The following MRC1 variants were observed in gnomAD, a reference collection of about 807,000 sequenced individuals.
MRC1 encodes mannose receptor C-type 1.
A neutral mutation model predicts 102.9 loss-of-function variants in MRC1; 62 were observed. That is an observed-to-expected ratio of 0.60 (90% CI 0.49 to 0.74). MRC1 has a LOEUF of 0.74. MRC1 is among the 30% of genes least tolerant of loss of function. The probability of loss-of-function intolerance (pLI) is 0.00; values close to 1 mark genes in which losing one functional copy is unlikely to be tolerated. For missense variants in MRC1, 1,237 were observed against 862.8 expected, an observed-to-expected ratio of 1.43 and a Z score of -5.43; for synonymous variants, 457 against 298.4, an observed-to-expected ratio of 1.53 and a Z score of -5.48.
intron 11 of MRC1, chr10:17,865,520 C>T (rs1723788101): frequency 6.6e-6 from 1 of 152,228 alleles, no homozygotes; most frequent in South Asian, 2.1e-4. Context: ...GGAAGTGGAA[C>T]AGAACTCAGT....
chr10:17,817,158 G>A (rs1224054488), intron 1 of MRC1, among the ~76,000 whole-genome samples: 2 of 150,464 alleles, frequency 1.3e-5, no homozygotes, highest in Middle Eastern at 3.2e-3. Context: ...GCTGAGGCAC[G>A]AGAATCGCTT....
rs1838811178 is a variant in MRC1, at chr10:17,845,398, G to C, written c.1026G>C (p.Lys342Asn). The change falls in exon 6 of 30, where the codon AAG (lysine) becomes AAC (asparagine). Residue 342 changes from lysine to asparagine, a missense_variant. Coordinates refer to ENST00000569591, the MANE Select transcript of MRC1 (RefSeq NM_002438.4). ...CVQKLGYICKKGNTTLNSFVI... is the reference protein window; with the variant it reads ...CVQKLGYICKNGNTTLNSFVI... ...AGAAACTGGGCTATATTTGCAAAAA[G>C]GGCAACACCACTTTAAATTCTTTTG... The C allele has an allele frequency of 2.6e-6, 2 of 780,826 alleles. No homozygotes were observed. The highest frequency in any genetic ancestry group is 4.8e-6 in the Non-Finnish European group (2 of 417,940). 48.4% of individuals were successfully genotyped at this position (780,826 alleles called of 1,614,324 possible).
Position 17,910,404 on chromosome 10 carries a change from G to A in MRC1, c.4310G>A (p.Gly1437Glu), listed in dbSNP as rs2130729539. The part of the protein sequence containing the change: ...TLYFNSQSSP[G>E]TSDMKDLVGN... ...TATTTTAACAGTCAGTCAAGCCCAG[G>A]AACTAGTGATATGAAAGATCTCGTG... Residue 1437 changes from glycine to glutamate, a missense_variant, in exon 30 of 30, where the codon GGA becomes GAA. Transcript: ENST00000569591. The A allele has an allele frequency of 1.3e-5, 10 of 780,702 alleles. 1 individual carries two copies. In the East Asian group the frequency reaches 2.4e-4, roughly 19 times the overall value. 48.4% of individuals were successfully genotyped at this position (780,702 alleles called of 1,614,324 possible).
At chr10:17,907,458 C>T (rs557416428) in intron 27 of MRC1, 76 bp from the exon 28 acceptor site, 40 of 776,740 alleles carry the variant, frequency 5.1e-5, no homozygotes, top group African/African-American at 5.1e-4. Flanking sequence ...TTAGAAATTT[C>T]ACATAAATTG....
At chr10:17,838,720 C>A (rs1355361158) in intron 4 of MRC1, among the ~76,000 whole-genome samples, 1 of 152,092 alleles carries the variant, frequency 6.6e-6, no homozygotes, top group Non-Finnish European at 1.5e-5. Context: ...ACGCCTGTAA[C>A]CCCAGAGCCT....
At chr10:17,857,123 A>G (rs1243703393) in intron 9 of MRC1, among the ~76,000 whole-genome samples, 1 of 152,248 alleles carries the variant, frequency 6.6e-6, no homozygotes, top group African/African-American at 2.4e-5. Flanking sequence ...ATTTGGTACT[A>G]TAAAAATAAA....
In MRC1 at chr10:17,910,402, AG is replaced by A. The variant is rs1589199041; in HGVS notation, c.4310del (p.Gly1437GlufsTer5). 7.7e-6 allele frequency: 6 copies of A among 780,872 alleles called. No homozygotes were observed. The highest frequency in any genetic ancestry group is 4.0e-5 in the South Asian group (3 of 74,616). 48.4% of individuals were successfully genotyped at this position (780,872 alleles called of 1,614,324 possible). ...TGTATTTTAACAGTCAGTCAAGCCC[AG>A]GAACTAGTGATATGAAAGATCTCGT... is the stretch of plus-strand genomic sequence containing the variant. Reference protein sequence around the residue: ...TLYFNSQSSPGTSDMKDLVGN... With the variant: ...TLYFNSQSSPXTSDMKDLVGN... On this transcript the variant is annotated frameshift_variant, in exon 30 of 30. Coordinates refer to ENST00000569591, the MANE Select transcript of MRC1 (RefSeq NM_002438.4). LOFTEE classifies it high-confidence loss of function.
In MRC1 at chr10:17,880,660, A is replaced by G; in HGVS notation, c.2855A>G (p.Tyr952Cys). The G allele has an allele frequency of 1.3e-6, 1 of 780,874 alleles. No individual in the cohort carries two copies. The highest frequency in any genetic ancestry group is 1.7e-5 in the Admixed American group (1 of 59,030). The allele number at this position is 780,874 out of a possible 1,614,324, so 48.4% of individuals were successfully genotyped here. A position where few individuals can be genotyped will look rare whatever the true frequency, so the allele number is the denominator to read the frequency against. The change falls in exon 20 of 30, where the codon TAC becomes TGC. Residue 952 changes from tyrosine to cysteine, a missense_variant. By Grantham distance (194) the Tyr-to-Cys change is radical (BLOSUM62 -2). Coordinates refer to ENST00000569591, the MANE Select transcript of MRC1 (RefSeq NM_002438.4). Reference protein sequence around the residue: ...PSGCKEGWNFYSNKCFKIFGF... With the variant: ...PSGCKEGWNFCSNKCFKIFGF... ...GGGTGCAAGGAAGGTTGGAATTTCT[A>G]CAGCAACAAGGTACTAGGAAAATTA...
rs985386491 is a variant in MRC1 at position 17,900,972 on chromosome 10, A to G, written c.3649+19A>G. 1.3e-6 allele frequency: 1 copy of G among 777,936 alleles called. No homozygotes were observed. Among genetic ancestry groups the G allele is most frequent in the African/African-American group, 1.7e-5 (1 of 59,106 alleles). 48.2% of individuals were successfully genotyped at this position (777,936 alleles called of 1,614,324 possible). ...TCAGATGGTAATTGAATATATAAAA[A>G]CAGTCAGGGGATCTGAAAATTTCTG... On this transcript the variant is annotated intron_variant, in intron 25 of 29. Transcript: ENST00000569591.
chr10:17,828,955 C>A lies in MRC1; in HGVS notation c.637+1240C>A, dbSNP rs947463697. Among the ~76,000 whole-genome samples, 142 of 151,406 alleles carry A rather than the reference C, an allele frequency of 9.4e-4. 1 individual carries two copies. Among genetic ancestry groups the A allele is most frequent in the Non-Finnish European group, 1.6e-3 (108 of 68,036 alleles). On this transcript the variant is annotated intron_variant, in intron 3 of 29. Transcript: ENST00000569591. ...AAAGGAAGTATTCCTCTTAGCTTCA[C>A]GTTCCCCATCACCAGACACCCTCCT...
intron 22 of MRC1, among the ~76,000 whole-genome samples, chr10:17,890,660 A>G (rs1399967776): frequency 6.6e-6 from 1 of 152,152 alleles, no homozygotes; most frequent in Non-Finnish European, 1.5e-5. Flanking sequence ...GTGTCTGCTT[A>G]TTATGCTTGC....
chr10:17,887,399 A>G (rs1833613537), intron 22 of MRC1, among the ~76,000 whole-genome samples: 2 of 152,010 alleles, frequency 1.3e-5, no homozygotes, highest in African/African-American at 4.8e-5. Flanking sequence ...TCAAAACAAA[A>G]CAAAACAAAA....
intron 8 of MRC1, among the ~76,000 whole-genome samples, chr10:17,853,874 C>G (rs1283804527): frequency 6.6e-6 from 1 of 152,064 alleles, no homozygotes; most frequent in Non-Finnish European, 1.5e-5. Flanking sequence ...CTGAGTTTTG[C>G]TGTGTGACTG....
chr10:17,889,671 C>A (rs1358364646), intron 22 of MRC1, among the ~76,000 whole-genome samples: 1 of 152,210 alleles, frequency 6.6e-6, no homozygotes, highest in Admixed American at 6.5e-5. Context: ...AAGAAAGCAT[C>A]TCCTATTTCT....
At chr10:17,861,567 A>C in intron 10 of MRC1, 65 bp downstream of exon 10, 1 of 777,972 alleles carries the variant, frequency 1.3e-6, no homozygotes, top group South Asian at 1.4e-5. Flanking sequence ...GAAAAGCCCA[A>C]GTATCAACAT....
chr10:17,880,800 G>A (rs956434817), intron 20 of MRC1, 130 bp downstream of exon 20: 53 of 756,738 alleles, frequency 7.0e-5, no homozygotes, highest in Middle Eastern at 3.0e-4. Context: ...GTGAAAATTC[G>A]CGTGACAAAC....
At chr10:17,881,234 G>A in intron 21 of MRC1, 53 bp downstream of exon 21, 1 of 761,922 alleles carries the variant, frequency 1.3e-6, no homozygotes, top group Non-Finnish European at 2.4e-6. Context: ...AATTCTGACT[G>A]CAAAATGGTA....
intron 1 of MRC1, among the ~76,000 whole-genome samples, chr10:17,819,153 G>A: frequency 6.6e-6 from 1 of 152,166 alleles, no homozygotes; most frequent in East Asian, 1.9e-4. Context: ...CAACCAGAAT[G>A]TGGTGTACAT....
intron 1 of MRC1, among the ~76,000 whole-genome samples, chr10:17,815,302 C>G (rs1189778963): frequency 2.0e-5 from 3 of 152,138 alleles, no homozygotes; most frequent in African/African-American, 7.2e-5. Flanking sequence ...CTGATTATGT[C>G]ATGATCAGAT....
Sources: allele counts gnomAD v4.1 joint callset (sites outside exome capture counted in the v4.1 genomes callset), GRCh38; gene constraint gnomAD v4.1.1; transcripts MANE v1.5; gene names NCBI Gene and HGNC (gene_info 2026-07-23, HGNC 2026-07-21).